MAGI1: variants seen among roughly 807,000 people sequenced by gnomAD.
MAGI1 encodes membrane-associated guanylate kinase, WW and PDZ domain-containing protein 1.
MAGI1 carries 58 observed loss-of-function variants against 139.9 expected under a neutral mutation model. That is an observed-to-expected ratio of 0.41 (90% confidence interval 0.34 to 0.52). The LOEUF (loss-of-function observed/expected upper bound fraction) is 0.52. MAGI1 is among the 20% of genes least tolerant of loss of function. The pLI, the probability that MAGI1 is intolerant of heterozygous loss-of-function variation, is 0.12. For missense variants in MAGI1, 1,874 were observed against 1,901.6 expected, an observed-to-expected ratio of 0.99 and a Z score of 0.27; for synonymous variants, 812 against 737.9, an observed-to-expected ratio of 1.10 and a Z score of -1.63.
At chr3:65,552,925 C>T (rs566558247) in intron 2 of MAGI1, among the ~76,000 whole-genome samples, 16 of 152,192 alleles carry the variant, frequency 1.1e-4, no homozygotes, top group Middle Eastern at 6.8e-3. Flanking sequence ...AGATGGTAAA[C>T]GTAAAATTTC....
At chr3:65,366,046 G>C (rs150357871) in intron 18 of MAGI1, among the ~76,000 whole-genome samples, 2 of 152,124 alleles carry the variant, frequency 1.3e-5, no homozygotes, top group Non-Finnish European at 1.5e-5. Context: ...GCATGGGCTT[G>C]AGATTCAGAC....
At chr3:65,759,207 A>G (rs1278620635) in intron 1 of MAGI1, among the ~76,000 whole-genome samples, 1 of 152,102 alleles carries the variant, frequency 6.6e-6, no homozygotes, top group Non-Finnish European at 1.5e-5. Flanking sequence ...GTTCTTCTCA[A>G]TACATGATGC....
chr3:65,821,707 C>T (rs910398675), intron 1 of MAGI1, among the ~76,000 whole-genome samples: 8 of 152,166 alleles, frequency 5.3e-5, no homozygotes, highest in African/African-American at 1.9e-4. Flanking sequence ...AAAGAAGCAA[C>T]ATCATCATCA....
At chr3:65,427,555 T>G (rs532355674) in intron 12 of MAGI1, among the ~76,000 whole-genome samples, 2 of 152,194 alleles carry the variant, frequency 1.3e-5, no homozygotes, top group African/African-American at 2.4e-5. Flanking sequence ...AAATGAGCAG[T>G]GGCTGAATCA....
intron 2 of MAGI1, among the ~76,000 whole-genome samples, chr3:65,599,822 C>T (rs539870946): frequency 3.9e-5 from 6 of 152,188 alleles, no homozygotes; most frequent in Non-Finnish European, 8.8e-5. Context: ...CCTAGACATC[C>T]TGGACCTGCC....
intron 1 of MAGI1, among the ~76,000 whole-genome samples, chr3:65,838,185 G>A (rs1022608545): frequency 5.9e-5 from 9 of 152,078 alleles, no homozygotes; most frequent in South Asian, 2.1e-4. Context: ...GGTGGCGCAC[G>A]CCTGCCATCC....
intron 1 of MAGI1, among the ~76,000 whole-genome samples, chr3:65,964,504 CT>C (rs1193018301): frequency 2.0e-5 from 3 of 149,504 alleles, no homozygotes; most frequent in African/African-American, 7.4e-5. Context: ...AAGGTATATC[CT>C]TTTATACATC....
chr3:65,641,470 G>T (rs974661137), intron 1 of MAGI1, among the ~76,000 whole-genome samples: 3 of 152,136 alleles, frequency 2.0e-5, no homozygotes, highest in South Asian at 2.1e-4. Context: ...TGTAGCCAGG[G>T]TTCTAAGCCT....
At chr3:65,958,973 T>G (rs1173658518) in intron 1 of MAGI1, among the ~76,000 whole-genome samples, 3 of 150,030 alleles carry the variant, frequency 2.0e-5, no homozygotes, top group Non-Finnish European at 3.0e-5. Flanking sequence ...GCCAACTGAG[T>G]GAGACTGTAA....
Position 65,514,239 on chromosome 3 carries a change from T to G in MAGI1, c.431-20608A>C, listed in dbSNP as rs909405078. ...AACCTAGGCATTACCATTCAGGACA[T>G]AGGCATGGGCAAGGACTTCATGTCC... is the stretch of plus-strand genomic sequence containing the variant. On this transcript the variant is annotated intron_variant, in intron 2 of 22. Transcript: ENST00000402939. 5.4e-5 allele frequency among the ~76,000 whole-genome samples: 8 copies of G among 149,248 alleles called. No homozygotes were observed. The Admixed American group carries it at 5.4e-4, about 10-fold the overall frequency.
intron 1 of MAGI1, among the ~76,000 whole-genome samples, chr3:65,959,738 T>G (rs1319946451): frequency 1.4e-5 from 2 of 147,996 alleles, no homozygotes; most frequent in African/African-American, 4.9e-5. Context: ...GTGCTGGGAT[T>G]ACAGGTGTAA....
chr3:65,376,278 GGCTGTTC>G (rs1189634374), intron 17 of MAGI1, among the ~76,000 whole-genome samples: 1 of 152,184 alleles, frequency 6.6e-6, no homozygotes, highest in African/African-American at 2.4e-5. Flanking sequence ...CAAAATAACT[GGCTGTTC>G]GCTTATTTTG....
chr3:65,515,076 A>G (rs1228317651), intron 2 of MAGI1, among the ~76,000 whole-genome samples: 5 of 139,778 alleles, frequency 3.6e-5, no homozygotes, highest in African/African-American at 1.1e-4. Context: ...ACCAAACACC[A>G]CATATTCTCA....
At chr3:65,406,800 T>G (rs1275905774) in intron 12 of MAGI1, among the ~76,000 whole-genome samples, 2 of 144,890 alleles carry the variant, frequency 1.4e-5, no homozygotes, top group African/African-American at 4.9e-5. Context: ...TAGATCTCTC[T>G]CTCTCTATAT....
rs114581821 is a variant in MAGI1 at position 65,408,783 on chromosome 3, G to C, written c.2168-7313C>G. 4.8e-3 allele frequency among the ~76,000 whole-genome samples: 738 copies of C among 152,320 alleles called. 3 individuals are homozygous for C. Among genetic ancestry groups the C allele is most frequent in the Non-Finnish European group, 7.5e-3 (511 of 68,026 alleles). ...GGAAAAGGTACATTCAGCCTTCACA[G>C]TTTCCACTGAGGGTAGGAAGGAAAA... On this transcript the variant is annotated intron_variant, in intron 12 of 22. Transcript: ENST00000402939.
At position 65,358,432 on chromosome 3, in the gene MAGI1, A is replaced by T. The variant is rs1208132331; in HGVS notation, c.3635-1300T>A. 2.6e-5 allele frequency among the ~76,000 whole-genome samples: 4 copies of T among 152,172 alleles called. No individual in the cohort carries two copies. The South Asian group carries it at 6.2e-4, about 24-fold the overall frequency. On this transcript the variant is annotated intron_variant, in intron 22 of 22. Coordinates refer to ENST00000402939, the MANE Select transcript of MAGI1 (RefSeq NM_001033057.2). ...TTAGCAATTAACCTGTTTCATGACA[A>T]CTTCCCAAAACCTAGAGTGGGTTTT...
At chr3:65,810,220 G>C (rs1022189819) in intron 1 of MAGI1, among the ~76,000 whole-genome samples, 1 of 152,140 alleles carries the variant, frequency 6.6e-6, no homozygotes. Flanking sequence ...AGATACTTTG[G>C]CACATTGGGC....
At chr3:65,735,293 G>A (rs1057257872) in intron 1 of MAGI1, among the ~76,000 whole-genome samples, 2 of 151,906 alleles carry the variant, frequency 1.3e-5, no homozygotes, top group African/African-American at 4.8e-5. Context: ...CAGAAGTTAA[G>A]GATTTTTGGG....
At chr3:65,535,950 T>A (rs2078940557) in intron 2 of MAGI1, among the ~76,000 whole-genome samples, 1 of 152,180 alleles carries the variant, frequency 6.6e-6, no homozygotes, top group South Asian at 2.1e-4. Context: ...GACACTAGAA[T>A]AAACACCCAC....
Sources: allele counts gnomAD v4.1 joint callset (sites outside exome capture counted in the v4.1 genomes callset), GRCh38; gene constraint gnomAD v4.1.1; transcripts MANE v1.5; gene names NCBI Gene and HGNC (gene_info 2026-07-23, HGNC 2026-07-21).